The following CADM2 variants were observed in gnomAD, a reference collection of about 807,000 sequenced individuals.
CADM2 encodes cell adhesion molecule 2, also known as immunoglobulin superfamily member 4D.
CADM2 carries 12 observed loss-of-function variants against 49.8 expected under a neutral mutation model. That is an observed-to-expected ratio of 0.24 (90% CI 0.15 to 0.39). CADM2 has a LOEUF of 0.39. CADM2 is among the 10% of genes least tolerant of loss of function. CADM2 has a pLI of 1.00. For missense variants in CADM2, 378 were observed against 492.3 expected, an observed-to-expected ratio of 0.77 and a Z score of 2.20; for synonymous variants, 214 against 175.4, an observed-to-expected ratio of 1.22 and a Z score of -1.74.
intron 2 of CADM2, among the ~76,000 whole-genome samples, chr3:85,752,407 C>T (rs1239506693): frequency 6.6e-6 from 1 of 151,284 alleles, no homozygotes; most frequent in Non-Finnish European, 1.5e-5. Flanking sequence ...CCAGGAAGAA[C>T]TTTAACATCT....
At chr3:85,251,650 C>T (rs2042777025) in intron 1 of CADM2, among the ~76,000 whole-genome samples, 2 of 151,834 alleles carry the variant, frequency 1.3e-5, no homozygotes, top group African/African-American at 4.8e-5. Context: ...TTGCTCATTG[C>T]TTATTGTAGA....
intron 1 of CADM2, among the ~76,000 whole-genome samples, chr3:85,177,336 C>T (rs1180661539): frequency 6.6e-6 from 1 of 151,840 alleles, no homozygotes; most frequent in African/African-American, 2.4e-5. Context: ...TTTTTTCCTC[C>T]AGTGGGGAGT....
chr3:85,839,482 A>C (rs1188921488), intron 3 of CADM2, among the ~76,000 whole-genome samples: 2 of 151,250 alleles, frequency 1.3e-5, no homozygotes, highest in Admixed American at 1.3e-4. Flanking sequence ...ATTCTTTGCC[A>C]TTTTTTTTGG....
chr3:85,769,642 T>G lies in CADM2; in HGVS notation c.89-32405T>G, dbSNP rs951793630. On this transcript the variant is annotated intron_variant, in intron 2 of 9. Transcript: ENST00000383699. ...TATATAGTATATATATACACATATA[T>G]ACATATATACATATATAGTATATAT... Among the ~76,000 whole-genome samples the G allele has an allele frequency of 4.9e-4, 65 of 132,828 alleles. 1 individual carries two copies. The highest frequency in any genetic ancestry group is 2.1e-3 in the African/African-American group (64 of 30,766). 87.1% of individuals were successfully genotyped at this position (132,828 alleles called of 152,430 possible). A position where few individuals can be genotyped will look rare whatever the true frequency, so the allele number is the denominator to read the frequency against.
At chr3:85,910,058 A>T (rs886693704) in intron 5 of CADM2, among the ~76,000 whole-genome samples, 1 of 152,196 alleles carries the variant, frequency 6.6e-6, no homozygotes, top group South Asian at 2.1e-4. Context: ...TAGTTCATTA[A>T]AATTTTATGA....
At chr3:85,366,724 C>A (rs1027630156) in intron 1 of CADM2, among the ~76,000 whole-genome samples, 4 of 151,868 alleles carry the variant, frequency 2.6e-5, no homozygotes, top group African/African-American at 9.7e-5. Context: ...AATATTAATG[C>A]CGAAATCTAA....
At chr3:85,563,204 G>A (rs962526434) in intron 1 of CADM2, among the ~76,000 whole-genome samples, 10 of 152,108 alleles carry the variant, frequency 6.6e-5, no homozygotes, top group Admixed American at 6.6e-4. Context: ...GTCACATAAA[G>A]TTCACTCAAA....
At chr3:85,503,364 G>T (rs1203402673) in intron 1 of CADM2, among the ~76,000 whole-genome samples, 1 of 152,158 alleles carries the variant, frequency 6.6e-6, no homozygotes, top group South Asian at 2.1e-4. Context: ...ATTTAAGGAT[G>T]AATTGTAAAT....
chr3:86,064,793 T>G (rs1014714096), intron 8 of CADM2, among the ~76,000 whole-genome samples: 14 of 152,232 alleles, frequency 9.2e-5, no homozygotes, highest in African/African-American at 3.4e-4. Flanking sequence ...GGCTGATTTC[T>G]TGCCTGTAAA....
intron 3 of CADM2, among the ~76,000 whole-genome samples, chr3:85,838,801 A>G (rs573092437): frequency 6.6e-6 from 1 of 151,910 alleles, no homozygotes; most frequent in African/African-American, 2.4e-5. Context: ...CAATAATAGA[A>G]TGGGGAGGGA....
intron 1 of CADM2, among the ~76,000 whole-genome samples, chr3:85,608,340 T>A (rs966527740): frequency 6.6e-6 from 1 of 152,182 alleles, no homozygotes; most frequent in Admixed American, 6.6e-5. Context: ...GGGTAGATTT[T>A]GTAAAAAGCA....
chr3:85,644,026 A>G (rs1260761696), intron 1 of CADM2, among the ~76,000 whole-genome samples: 1 of 152,138 alleles, frequency 6.6e-6, no homozygotes, highest in Non-Finnish European at 1.5e-5. Context: ...TTAAGATTGA[A>G]AGAAAGAAAG....
At chr3:85,040,978 C>G (rs1240576557) in intron 1 of CADM2, among the ~76,000 whole-genome samples, 1 of 151,938 alleles carries the variant, frequency 6.6e-6, no homozygotes, top group Non-Finnish European at 1.5e-5. Flanking sequence ...CTATTTTTGC[C>G]TTTGTCAAAT....
At chr3:85,585,400 A>ATATATG (rs1348694360) in intron 1 of CADM2, among the ~76,000 whole-genome samples, 3 of 151,834 alleles carry the variant, frequency 2.0e-5, no homozygotes, top group African/African-American at 7.3e-5. Flanking sequence ...ATATATACAT[A>ATATATG]TATATGTATA....
Position 84,959,683 on chromosome 3 carries a change from G to A in CADM2, c.61+15G>A, listed in dbSNP as rs1005126875. ...CCTGCTACAAGGTAATCCCCGCCCC[G>A]GCGCAGGGAACATCAACTTCTCGCC... is the stretch of plus-strand genomic sequence containing the variant. On this transcript the variant is annotated intron_variant, in intron 1 of 9. Coordinates refer to ENST00000383699, the MANE Select transcript of CADM2 (RefSeq NM_001167675.2). 3 of 1,536,420 alleles carry A rather than the reference G, an allele frequency of 2.0e-6. No homozygotes were observed. The highest frequency in any genetic ancestry group is 8.7e-7 in the Non-Finnish European group (1 of 1,146,262).
At chr3:85,057,055 T>A (rs1212998430) in intron 1 of CADM2, among the ~76,000 whole-genome samples, 2 of 152,126 alleles carry the variant, frequency 1.3e-5, no homozygotes, top group African/African-American at 2.4e-5. Context: ...GCAGATAATC[T>A]CTCGAATTCA....
chr3:85,425,106 T>C (rs756616251), intron 1 of CADM2, among the ~76,000 whole-genome samples: 3 of 152,170 alleles, frequency 2.0e-5, no homozygotes, highest in Non-Finnish European at 4.4e-5. Context: ...CACGAACATA[T>C]TCTATTTACT....
At chr3:85,841,015 C>T (rs1452241296) in intron 3 of CADM2, among the ~76,000 whole-genome samples, 2 of 151,562 alleles carry the variant, frequency 1.3e-5, no homozygotes, top group Middle Eastern at 3.2e-3. Context: ...AATATTATAA[C>T]TCACTTTATA....
intron 1 of CADM2, among the ~76,000 whole-genome samples, chr3:85,618,261 C>T (rs1318700501): frequency 6.6e-6 from 1 of 151,778 alleles, no homozygotes; most frequent in East Asian, 1.9e-4. Flanking sequence ...TCAGAGGTAC[C>T]TTTTTTCCCC....
Sources: gnomAD v4.1 joint callset for allele counts (sites outside exome capture counted in the v4.1 genomes callset) on GRCh38, gnomAD v4.1.1 for gene constraint, MANE v1.5 for transcripts, NCBI Gene and HGNC (gene_info 2026-07-23, HGNC 2026-07-21) for gene names.